The following GUCY1A2 variants were observed in gnomAD, a reference collection of about 807,000 sequenced individuals.
The protein encoded by GUCY1A2 is guanylate cyclase soluble subunit alpha-2.
GUCY1A2 carries 27 observed loss-of-function variants against 63.5 expected under a neutral mutation model. The observed-to-expected ratio is 0.43, with a 90% CI of 0.31 to 0.59. GUCY1A2 has a LOEUF of 0.59. Among genes scored for constraint, GUCY1A2 ranks in the 20% least tolerant of loss-of-function variants. The pLI, the probability that GUCY1A2 is intolerant of heterozygous loss-of-function variation, is 0.11. For missense variants in GUCY1A2, 768 were observed against 913.3 expected (o/e 0.84, Z 2.05); for synonymous variants, 364 against 343.5 (o/e 1.06, Z -0.66).
chr11:106,712,740 T>G (rs1863141851), intron 6 of GUCY1A2, among the ~76,000 whole-genome samples: 1 of 152,204 alleles, frequency 6.6e-6, no homozygotes, highest in African/African-American at 2.4e-5. Flanking sequence ...CCTCCCTTAC[T>G]AAGGCAAGAA....
intron 7 of GUCY1A2, among the ~76,000 whole-genome samples, chr11:106,697,093 C>T (rs1862733816): frequency 2.0e-5 from 3 of 152,146 alleles, no homozygotes; most frequent in Non-Finnish European, 4.4e-5. Flanking sequence ...GAGGATCATA[C>T]AAAGCAGCGT....
intron 5 of GUCY1A2, among the ~76,000 whole-genome samples, chr11:106,779,201 A>G (rs1864415511): frequency 6.6e-6 from 1 of 152,206 alleles, no homozygotes; most frequent in African/African-American, 2.4e-5. Flanking sequence ...TTTCACTTTA[A>G]GACCTGTTTT....
chr11:106,911,414 C>G (rs1344156154), intron 4 of GUCY1A2, among the ~76,000 whole-genome samples: 2 of 152,082 alleles, frequency 1.3e-5, no homozygotes, highest in Non-Finnish European at 2.9e-5. Flanking sequence ...ATAAAATTAA[C>G]TAATTTGTAT....
intron 4 of GUCY1A2, among the ~76,000 whole-genome samples, chr11:106,935,939 G>A (rs903812744): frequency 6.6e-6 from 1 of 151,866 alleles, no homozygotes; most frequent in Non-Finnish European, 1.5e-5. Flanking sequence ...ATTTGTAAAG[G>A]AGTAAAAATA....
Position 107,001,571 on chromosome 11 carries a change from C to T in GUCY1A2, c.304-15440G>A, listed in dbSNP as rs59691529. ...AATAACAGGACATAATAATTATTTACATTTGCATATTCTCTGTTTTTCTAC... is the reference window on the plus strand; with the variant it reads ...AATAACAGGACATAATAATTATTTATATTTGCATATTCTCTGTTTTTCTAC... On this transcript the variant is annotated intron_variant, in intron 1 of 7. Coordinates refer to ENST00000526355, the MANE Select transcript of GUCY1A2 (RefSeq NM_000855.3). Among the ~76,000 whole-genome samples the T allele has an allele frequency of 9.2e-3, 1,406 of 152,014 alleles. 16 individuals carry two copies. Among genetic ancestry groups the T allele is most frequent in the African/African-American group, 0.031 (1,290 of 41,452 alleles).
At chr11:107,008,983 A>G (rs1210506550) in intron 1 of GUCY1A2, among the ~76,000 whole-genome samples, 1 of 152,232 alleles carries the variant, frequency 6.6e-6, no homozygotes, top group Non-Finnish European at 1.5e-5. Context: ...AAATGAGTCA[A>G]GTGGACTTTA....
At chr11:106,975,605 T>C (rs565258051) in intron 3 of GUCY1A2, among the ~76,000 whole-genome samples, 2 of 152,262 alleles carry the variant, frequency 1.3e-5, no homozygotes, top group East Asian at 3.9e-4. Context: ...CACCAAAATA[T>C]GGTGAAGAGA....
intron 1 of GUCY1A2, among the ~76,000 whole-genome samples, chr11:107,003,958 T>A (rs913241204): frequency 6.6e-6 from 1 of 152,188 alleles, no homozygotes; most frequent in African/African-American, 2.4e-5. Flanking sequence ...TGACCCTACA[T>A]AGAGCTCTGA....
At chr11:107,010,405 T>C (rs1861726900) in intron 1 of GUCY1A2, among the ~76,000 whole-genome samples, 2 of 152,130 alleles carry the variant, frequency 1.3e-5, no homozygotes, top group Non-Finnish European at 2.9e-5. Flanking sequence ...ATATAAGCAA[T>C]CCAGACTGTA....
chr11:106,974,394 A>C (rs1342696597), intron 3 of GUCY1A2, among the ~76,000 whole-genome samples: 1 of 152,144 alleles, frequency 6.6e-6, no homozygotes, highest in East Asian at 1.9e-4. Context: ...GTTAGTCTTA[A>C]CCTAACCTTA....
intron 4 of GUCY1A2, among the ~76,000 whole-genome samples, chr11:106,930,241 T>C (rs1357649882): frequency 6.6e-6 from 1 of 152,152 alleles, no homozygotes; most frequent in Non-Finnish European, 1.5e-5. Context: ...AGGTTGGCAA[T>C]GAAAACAAGC....
Position 106,674,837 on chromosome 11 carries a change from A to C in GUCY1A2, c.*12712T>G. On this transcript the variant is annotated 3_prime_UTR_variant, in exon 8 of 8. Transcript: ENST00000526355. ...AAATAATTCAGGTTAAATGAAAACC[A>C]CCCCATGCAGAGGATGCTAATGAAG... is the stretch of plus-strand genomic sequence containing the variant. The C allele has an allele frequency of 9.2e-6, 2 of 217,344 alleles. No homozygotes were observed. Among genetic ancestry groups the C allele is most frequent in the Non-Finnish European group, 1.9e-5 (2 of 108,006 alleles). The allele number at this position is 217,344 out of a possible 1,614,324, so 13.5% of individuals were successfully genotyped here.
intron 6 of GUCY1A2, among the ~76,000 whole-genome samples, chr11:106,763,979 T>G (rs1864114642): frequency 6.6e-6 from 1 of 152,138 alleles, no homozygotes; most frequent in African/African-American, 2.4e-5. Context: ...AATTTCTGCT[T>G]TCCTAGTTTT....
Position 107,018,100 on chromosome 11 carries a change from G to T in GUCY1A2, c.-45C>A, listed in dbSNP as rs1407715308. 2.3e-6 allele frequency: 3 copies of T among 1,293,362 alleles called. No homozygotes were observed. The highest frequency in any genetic ancestry group is 3.1e-5 in the African/African-American group (2 of 64,432). The allele number at this position is 1,293,362 out of a possible 1,614,324, so 80.1% of individuals were successfully genotyped here. On this transcript the variant is annotated 5_prime_UTR_variant, in exon 1 of 8. Transcript: ENST00000526355. ...CGGCCGAGGCGGTGGCGGCGAGGAC[G>T]CGAGCGGCGGCGGAGGCGGCGGTGG...
chr11:106,697,117 A>G (rs1002693941), intron 7 of GUCY1A2, among the ~76,000 whole-genome samples: 2 of 152,234 alleles, frequency 1.3e-5, no homozygotes. Context: ...CAAACATGTT[A>G]GTTTTAGACT....
chr11:106,813,691 C>T (rs1255174293), intron 4 of GUCY1A2, among the ~76,000 whole-genome samples: 1 of 151,970 alleles, frequency 6.6e-6, no homozygotes, highest in African/African-American at 2.4e-5. Flanking sequence ...TTTCAACTCT[C>T]CTGAAAATTA....
intron 4 of GUCY1A2, chr11:106,826,817 A>C: frequency 6.2e-7 from 1 of 1,609,056 alleles, no homozygotes; most frequent in Non-Finnish European, 8.5e-7. Flanking sequence ...GATGTAGTAC[A>C]GATGTCACCG....
At chr11:107,014,324 TGA>T (rs1861790317) in intron 1 of GUCY1A2, among the ~76,000 whole-genome samples, 8 of 152,208 alleles carry the variant, frequency 5.3e-5, no homozygotes, top group Admixed American at 5.2e-4. Context: ...CTTGACCTAG[TGA>T]TCTGCCTGCC....
At chr11:106,937,610 A>C (rs1252618106) in intron 4 of GUCY1A2, among the ~76,000 whole-genome samples, 5 of 152,192 alleles carry the variant, frequency 3.3e-5, no homozygotes, top group African/African-American at 1.2e-4. Flanking sequence ...CCCTAAATTA[A>C]AGAGAAAGAA....
Sources: allele counts gnomAD v4.1 joint callset (sites outside exome capture counted in the v4.1 genomes callset), GRCh38; gene constraint gnomAD v4.1.1; transcripts MANE v1.5; gene names NCBI Gene and HGNC (gene_info 2026-07-23, HGNC 2026-07-21).